ZFHX4: variants seen among roughly 807,000 people sequenced by gnomAD.
The protein encoded by ZFHX4 is zinc finger homeobox protein 4.
A neutral mutation model predicts 267.6 loss-of-function variants in ZFHX4; 56 were observed. The ratio of observed to expected loss-of-function variants is 0.21; its 90% CI spans 0.17 to 0.26. The LOEUF (loss-of-function observed/expected upper bound fraction) is 0.26. Among genes scored for constraint, ZFHX4 ranks in the 10% least tolerant of loss-of-function variants. The pLI, the probability that ZFHX4 is intolerant of heterozygous loss-of-function variation, is 1.00. For synonymous variants in ZFHX4, 1,778 were observed against 1,665.6 expected, an observed-to-expected ratio of 1.07 and a Z score of -1.64; for missense variants, 4,332 against 4,420.0, an observed-to-expected ratio of 0.98 and a Z score of 0.56.
At chr8:76,714,261 C>T (rs896636919) in intron 3 of ZFHX4, among the ~76,000 whole-genome samples, 10 of 152,074 alleles carry the variant, frequency 6.6e-5, no homozygotes, top group Non-Finnish European at 1.0e-4. Context: ...GGTGTTGGGA[C>T]GCCATGCCAT....
chr8:76,727,589 A>G (rs1389214485), intron 3 of ZFHX4, among the ~76,000 whole-genome samples: 2 of 152,166 alleles, frequency 1.3e-5, no homozygotes, highest in Non-Finnish European at 2.9e-5. Flanking sequence ...GCAGGAATAC[A>G]TATTTCAGAA....
chr8:76,742,419 TA>T (rs1187141262), intron 3 of ZFHX4, among the ~76,000 whole-genome samples: 3 of 152,214 alleles, frequency 2.0e-5, no homozygotes, highest in Non-Finnish European at 2.9e-5. Context: ...ACCTTACGTT[TA>T]ATTACTAACT....
In ZFHX4 at chr8:76,691,213, C is replaced by T. The variant is rs915703749; in HGVS notation, c.-47+9593C>T. Among the ~76,000 whole-genome samples, 6 of 151,970 alleles carry T rather than the reference C, an allele frequency of 3.9e-5. No individual in the cohort carries two copies. The East Asian group carries it at 5.8e-4, about 15-fold the overall frequency. On this transcript the variant is annotated intron_variant, in intron 1 of 10. Transcript: ENST00000651372. ...TCTGAGAGAGTGAGCTCTCTGTTAT[C>T]GACAGGAGACAAGTAGAATCTGGAT...
chr8:76,747,846 C>T (rs1809502404), intron 3 of ZFHX4, among the ~76,000 whole-genome samples: 1 of 152,062 alleles, frequency 6.6e-6, no homozygotes, highest in African/African-American at 2.4e-5. Context: ...GCAGGAAAAT[C>T]ACTTGAACCT....
At chr8:76,737,033 T>C (rs1429374105) in intron 3 of ZFHX4, among the ~76,000 whole-genome samples, 1 of 152,122 alleles carries the variant, frequency 6.6e-6, no homozygotes, top group African/African-American at 2.4e-5. Context: ...AAATACACAG[T>C]TGCTTTCATG....
chr8:76,772,044 C>A (rs551574762), intron 3 of ZFHX4, among the ~76,000 whole-genome samples: 16 of 152,100 alleles, frequency 1.1e-4, no homozygotes, highest in Non-Finnish European at 1.9e-4. Flanking sequence ...CTTGGGCAAG[C>A]TGCTAATTTC....
rs752349686 is a variant in ZFHX4 at position 76,704,053 on chromosome 8, G to A, written c.-36G>A. ...TTATTTTTTATCCAGGTCCCTGACA[G>A]GCTGGATGAAATGAGATCCCCATGT... is the stretch of plus-strand genomic sequence containing the variant. On this transcript the variant is annotated 5_prime_UTR_variant, in exon 2 of 11. Coordinates refer to ENST00000651372, the MANE Select transcript of ZFHX4 (RefSeq NM_024721.5). 6.4e-7 allele frequency: 1 copy of A among 1,554,110 alleles called. No individual in the cohort carries two copies.
intron 3 of ZFHX4, among the ~76,000 whole-genome samples, chr8:76,766,252 T>C (rs1435048769): frequency 6.6e-6 from 1 of 152,120 alleles, no homozygotes. Context: ...TGTTGCAAAA[T>C]ATGCTCTAAT....
Position 76,863,212 on chromosome 8 carries a change from ACCTCCT to A in ZFHX4, c.9514_9519del (p.Pro3172_Pro3173del). The A allele has an allele frequency of 4.5e-6, 7 of 1,572,652 alleles. No individual in the cohort carries two copies. Among genetic ancestry groups the A allele is most frequent in the Non-Finnish European group, 6.0e-6 (7 of 1,158,906 alleles). On this transcript the variant is annotated inframe_deletion, in exon 11 of 11. Coordinates refer to ENST00000651372, the MANE Select transcript of ZFHX4 (RefSeq NM_024721.5). ...TGCTGCAGACTCCACCACCTCCACC[ACCTCCT>A]CCTCCTCCTCCTCCTTCATCCTCTC...
Position 76,847,906 on chromosome 8 carries a change from T to C in ZFHX4, c.3512-1089T>C, listed in dbSNP as rs118113632. 1.2e-3 allele frequency among the ~76,000 whole-genome samples: 179 copies of C among 152,268 alleles called. 1 individual carries two copies. The East Asian group carries it at 0.033, about 28-fold the overall frequency. On this transcript the variant is annotated intron_variant, in intron 6 of 10. Transcript: ENST00000651372. ...GCACAGCATACAATCAGATTACGCC[T>C]GGACTATATATTTACGTGGGGTCTG...
At chr8:76,759,781 G>T (rs1335714707) in intron 3 of ZFHX4, among the ~76,000 whole-genome samples, 2 of 152,098 alleles carry the variant, frequency 1.3e-5, no homozygotes, top group Non-Finnish European at 2.9e-5. Flanking sequence ...TATTTACCAA[G>T]AGTAGAAATG....
At chr8:76,708,905 A>G (rs1808349818) in intron 3 of ZFHX4, among the ~76,000 whole-genome samples, 1 of 152,200 alleles carries the variant, frequency 6.6e-6, no homozygotes, top group Non-Finnish European at 1.5e-5. Context: ...GTAACTTATT[A>G]AAAACTTCTT....
At chr8:76,838,884 G>A (rs761792210) in intron 5 of ZFHX4, among the ~76,000 whole-genome samples, 9 of 151,968 alleles carry the variant, frequency 5.9e-5, no homozygotes, top group East Asian at 1.9e-4. Context: ...AGGAGACCTC[G>A]TCTCTACTAA....
intron 4 of ZFHX4, among the ~76,000 whole-genome samples, chr8:76,819,333 T>A (rs1811585765): frequency 6.6e-6 from 1 of 152,174 alleles, no homozygotes; most frequent in Admixed American, 6.5e-5. Context: ...TGGAATAATG[T>A]AAGTCATTTT....
Position 76,855,879 on chromosome 8 carries a change from A to G in ZFHX4, c.8958A>G (p.Lys2986=). The G allele has an allele frequency of 1.2e-6, 2 of 1,613,892 alleles. No individual in the cohort carries two copies. The highest frequency in any genetic ancestry group is 1.7e-6 in the Non-Finnish European group (2 of 1,179,834). Residue 2986 remains lysine, a synonymous_variant, in exon 10 of 11, where the codon AAA becomes AAG. Coordinates refer to ENST00000651372, the MANE Select transcript of ZFHX4 (RefSeq NM_024721.5). ...AAAATGCAAGGGCAAAGGAAAAGAA[A>G]TTTAAAATTAACATAGGGAAGCCTT... The part of the protein sequence containing the change: ...WFQNARAKEK[K]FKINIGKPFM...
intron 4 of ZFHX4, among the ~76,000 whole-genome samples, chr8:76,806,669 AT>A (rs777323299): frequency 8.6e-5 from 13 of 152,046 alleles, no homozygotes; most frequent in Non-Finnish European, 1.8e-4. Flanking sequence ...TGTTACATGG[AT>A]TTATAGCTTG....
chr8:76,867,044 T>C lies in ZFHX4; in HGVS notation c.*2479T>C, dbSNP rs893096571. 6.6e-6 allele frequency: 1 copy of C among 152,626 alleles called. No individual in the cohort carries two copies. Among genetic ancestry groups the C allele is most frequent in the Non-Finnish European group, 1.5e-5 (1 of 68,024 alleles). 9.5% of individuals were successfully genotyped at this position (152,626 alleles called of 1,614,324 possible). The stretch of plus-strand genomic sequence containing the variant: ...TAAACTAAACCAAAAATGTTATTGA[T>C]GTTTTATATATAGAGAGTAGTCTCA... On this transcript the variant is annotated 3_prime_UTR_variant, in exon 11 of 11. Transcript: ENST00000651372.
At chr8:76,747,881 G>A (rs1001424883) in intron 3 of ZFHX4, among the ~76,000 whole-genome samples, 1 of 152,058 alleles carries the variant, frequency 6.6e-6, no homozygotes, top group Non-Finnish European at 1.5e-5. Context: ...GCAGTGAGCC[G>A]AGATTGCGTC....
chr8:76,853,657 G>T lies in ZFHX4; in HGVS notation c.6736G>T (p.Asp2246Tyr), dbSNP rs1292219633. 1 of 1,613,488 alleles carries T rather than the reference G, an allele frequency of 6.2e-7. No homozygotes were observed. Among genetic ancestry groups the T allele is most frequent in the South Asian group, 1.1e-5 (1 of 91,026 alleles). Residue 2246 changes from aspartate (D) to tyrosine (Y), a missense_variant, in exon 10 of 11, where the codon GAC becomes TAC. This residue lies in a region of ZFHX4 where 62 missense variants were observed against 69.8 expected (regional missense o/e 0.89). Coordinates refer to ENST00000651372, the MANE Select transcript of ZFHX4 (RefSeq NM_024721.5). ...GCTTAGGGTTCTGCAAGACTTTTTT[G>T]ACACAAACGCTTACCCAAAAGATGA... is the stretch of plus-strand genomic sequence containing the variant. ...YQLRVLQDFF[D>Y]TNAYPKDDEI...
Sources: allele counts gnomAD v4.1 joint callset (sites outside exome capture counted in the v4.1 genomes callset), GRCh38; gene constraint gnomAD v4.1.1; regional missense constraint gnomAD v4.1.1; transcripts MANE v1.5; gene names NCBI Gene and HGNC (gene_info 2026-07-23, HGNC 2026-07-21).